UROC1: variants seen among roughly 807,000 people sequenced by gnomAD.
UROC1 encodes the protein urocanate hydratase.
UROC1 carries 79 observed loss-of-function variants against 89.5 expected under a neutral mutation model. The ratio of observed to expected loss-of-function variants is 0.88; its 90% CI spans 0.74 to 1.06. The LOEUF (loss-of-function observed/expected upper bound fraction) is 1.06. Ranked by LOEUF, UROC1 falls within the 50% of genes least tolerant of loss-of-function variation. The pLI, the probability that UROC1 is intolerant of heterozygous loss-of-function variation, is 0.00. For synonymous variants in UROC1, 361 were observed against 354.8 expected (o/e 1.02, Z -0.20); for missense variants, 885 against 907.8 (o/e 0.97, Z 0.32).
intron 1 of UROC1, among the ~76,000 whole-genome samples, chr3:126,514,680 C>T (rs2107552451): frequency 6.6e-6 from 1 of 152,094 alleles, no homozygotes; most frequent in East Asian, 1.9e-4. Flanking sequence ...AGAGGGTTCA[C>T]AGACGTCTTC....
intron 14 of UROC1, among the ~76,000 whole-genome samples, chr3:126,497,244 T>C (rs1442715399): frequency 2.0e-5 from 3 of 152,184 alleles, no homozygotes; most frequent in East Asian, 1.9e-4. Flanking sequence ...CAGCAGAGGC[T>C]GGTGAACCAC....
At chr3:126,495,990 C>T (rs1338194932) in intron 15 of UROC1, 48 bp downstream of exon 15, 1 of 1,589,588 alleles carries the variant, frequency 6.3e-7, no homozygotes, top group Non-Finnish European at 8.6e-7. Context: ...TTTGGGCAGT[C>T]TTCTGACAGC....
rs749388303 is a variant in UROC1, at chr3:126,510,772, C to T, written c.149G>A (p.Arg50His). The change falls in exon 2 of 20, where the codon CGC becomes CAC. Residue 50 changes from arginine to histidine, a missense_variant. Physicochemically the swap from Arg to His is conservative, Grantham distance 29. Transcript: ENST00000290868. ...CTCCTGGACATCCGGGGGGAAGTAG[C>T]GCAGGGCGTTCCTCAGCGCCAGCTG... is the stretch of plus-strand genomic sequence containing the variant. ...EKQLALRNAL[R>H]YFPPDVQELL... is the part of the protein sequence containing the mutation. 30 of 1,613,696 alleles carry T rather than the reference C, an allele frequency of 1.9e-5. No homozygotes were observed. In the East Asian group the frequency reaches 4.7e-4, roughly 25 times the overall value.
chr3:126,492,617 G>T, intron 15 of UROC1, 101 bp from the exon 16 acceptor site: 1 of 861,988 alleles, frequency 1.2e-6, no homozygotes, highest in Non-Finnish European at 1.8e-6. Context: ...GTGGGACATG[G>T]CCCTTGGCAG....
At chr3:126,501,843 C>A in intron 9 of UROC1, 1 of 1,599,496 alleles carries the variant, frequency 6.3e-7, no homozygotes, top group Non-Finnish European at 8.5e-7. Context: ...GGCACCTCCC[C>A]TCCCCCAGGG....
At chr3:126,483,049 G>A (rs966214627) in intron 19 of UROC1, among the ~76,000 whole-genome samples, 1 of 152,102 alleles carries the variant, frequency 6.6e-6, no homozygotes, top group African/African-American at 2.4e-5. Context: ...GATGGGGTGA[G>A]TCTCCTGCCA....
chr3:126,514,896 C>G (rs1251442580), intron 1 of UROC1, among the ~76,000 whole-genome samples: 1 of 152,012 alleles, frequency 6.6e-6, no homozygotes, highest in African/African-American at 2.4e-5. Flanking sequence ...GGGGAATTTA[C>G]ACTTTTATAC....
At chr3:126,510,611 G>T in intron 2 of UROC1, 53 bp downstream of exon 2, 1 of 1,606,388 alleles carries the variant, frequency 6.2e-7, no homozygotes, top group Non-Finnish European at 8.5e-7. Context: ...ACAGTCCCTT[G>T]CGGGAGCTGC....
chr3:126,488,190 C>T lies in UROC1; in HGVS notation c.1790+8G>A. 6.2e-7 allele frequency: 1 copy of T among 1,614,220 alleles called. No homozygotes were observed. Among genetic ancestry groups the T allele is most frequent in the South Asian group, 1.1e-5 (1 of 91,086 alleles). ...CAGCCCACACCCTGTCCTCTGAAACCTTCTTACCAGCCCACGCCCCCTCCG... is the reference window on the plus strand; with the variant it reads ...CAGCCCACACCCTGTCCTCTGAAACTTTCTTACCAGCCCACGCCCCCTCCG... On this transcript the variant is annotated splice_region_variant and intron_variant, in intron 18 of 19. Coordinates refer to ENST00000290868, the MANE Select transcript of UROC1 (RefSeq NM_144639.3).
chr3:126,513,345 T>C (rs1936233540), intron 1 of UROC1, among the ~76,000 whole-genome samples: 1 of 152,244 alleles, frequency 6.6e-6, no homozygotes, highest in Admixed American at 6.5e-5. Context: ...ACCCTGCTAG[T>C]GCAGCCTTCA....
At chr3:126,509,300 T>C (rs901768746) in intron 3 of UROC1, among the ~76,000 whole-genome samples, 3 of 151,834 alleles carry the variant, frequency 2.0e-5, no homozygotes, top group African/African-American at 7.3e-5. Flanking sequence ...TAAAATATAG[T>C]GTAAATTTGT....
chr3:126,515,164 GGGAGCTGATCACAGCCACA>G (rs1219501410), intron 1 of UROC1, among the ~76,000 whole-genome samples: 1 of 152,056 alleles, frequency 6.6e-6, no homozygotes, highest in Non-Finnish European at 1.5e-5. Context: ...CACAGCCACA[GGGAGCTGATCACAGCCACA>G]GGGCGCCGCA....
chr3:126,493,335 G>A (rs1245081152), intron 15 of UROC1, among the ~76,000 whole-genome samples: 1 of 152,228 alleles, frequency 6.6e-6, no homozygotes, highest in African/African-American at 2.4e-5. Context: ...GTTCACAGCA[G>A]CATGACAACA....
chr3:126,508,190 G>A, intron 4 of UROC1, 95 bp from the exon 5 acceptor site: 2 of 1,606,422 alleles, frequency 1.2e-6, no homozygotes, highest in Non-Finnish European at 1.7e-6. Flanking sequence ...GCTCCCACAG[G>A]CCCCCAGGTC....
chr3:126,501,805 A>G (rs1576722937), intron 9 of UROC1: 1 of 1,599,436 alleles, frequency 6.3e-7, no homozygotes, highest in Non-Finnish European at 8.5e-7. Flanking sequence ...GCTTACCAGG[A>G]GTGGCCTGGA....
intron 6 of UROC1, among the ~76,000 whole-genome samples, chr3:126,506,366 C>T (rs780917949): frequency 7.2e-5 from 11 of 152,132 alleles, no homozygotes; most frequent in East Asian, 1.9e-4. Flanking sequence ...GGATGTTCAC[C>T]GCAACTTTAG....
chr3:126,512,645 C>A (rs1021502050), intron 1 of UROC1, among the ~76,000 whole-genome samples: 1 of 152,096 alleles, frequency 6.6e-6, no homozygotes, highest in African/African-American at 2.4e-5. Context: ...ATTGCTTGAG[C>A]CCAGGTGTTT....
Position 126,498,287 on chromosome 3 carries a change from C to T in UROC1, c.1317-115G>A. On this transcript the variant is annotated intron_variant, in intron 13 of 19. Transcript: ENST00000290868. ...CATCCAGAAGTCAGGTGTGGAACCC[C>T]CTAAGCTGTCATTGGACAGAAAGTT... The T allele has an allele frequency of 1.9e-6, 3 of 1,568,052 alleles. No homozygotes were observed. In the South Asian group the frequency reaches 3.3e-5, roughly 17 times the overall value.
intron 15 of UROC1, among the ~76,000 whole-genome samples, chr3:126,494,185 C>T (rs763228907): frequency 1.3e-5 from 2 of 152,166 alleles, no homozygotes; most frequent in Non-Finnish European, 2.9e-5. Flanking sequence ...TAAAAGGCAA[C>T]CTTCTGCAGT....
Sources: allele counts gnomAD v4.1 joint callset (sites outside exome capture counted in the v4.1 genomes callset), GRCh38; gene constraint gnomAD v4.1.1; transcripts MANE v1.5; gene names NCBI Gene and HGNC (gene_info 2026-07-23, HGNC 2026-07-21).